STOX2: variants seen among roughly 807,000 people sequenced by gnomAD.
STOX2 encodes storkhead-box protein 2.
Under a neutral mutation model 60.9 loss-of-function variants are expected in STOX2, and 28 were observed. That is an observed-to-expected ratio of 0.46 (90% CI 0.34 to 0.63). The LOEUF (loss-of-function observed/expected upper bound fraction) is 0.63, where lower values mean the gene tolerates loss of function less well. Ranked by LOEUF, STOX2 falls within the 30% of genes least tolerant of loss-of-function variation. STOX2 has a pLI of 0.01. For missense variants in STOX2, 1,024 were observed against 1,187.7 expected (o/e 0.86, Z 2.03); for synonymous variants, 472 against 463.9 (o/e 1.02, Z -0.22).
intron 3 of STOX2, chr4:184,015,970 CT>C (rs1270708607): frequency 6.6e-5 from 10 of 152,230 alleles, no homozygotes; most frequent in African/African-American, 2.4e-4. Flanking sequence ...CTTAAATGTT[CT>C]AAATATCTTA....
At chr4:183,923,704 G>A (rs1019157938) in intron 1 of STOX2, among the ~76,000 whole-genome samples, 1 of 152,182 alleles carries the variant, frequency 6.6e-6, no homozygotes, top group Non-Finnish European at 1.5e-5. Context: ...AACCATATGG[G>A]CCCTTCCCAA....
chr4:183,828,342 G>A (rs896046153), intron 1 of STOX2, among the ~76,000 whole-genome samples: 2 of 152,182 alleles, frequency 1.3e-5, no homozygotes, highest in African/African-American at 4.8e-5. Flanking sequence ...TGGGGAAGGT[G>A]GGAGGAAGAA....
At chr4:183,992,685 A>C (rs1733162698) in intron 1 of STOX2, among the ~76,000 whole-genome samples, 1 of 152,214 alleles carries the variant, frequency 6.6e-6, no homozygotes, top group African/African-American at 2.4e-5. Context: ...TCATAACTTT[A>C]TCCTTGTTGG....
chr4:183,828,789 T>C (rs1420858294), intron 1 of STOX2, among the ~76,000 whole-genome samples: 2 of 152,232 alleles, frequency 1.3e-5, no homozygotes, highest in Non-Finnish European at 2.9e-5. Flanking sequence ...TGGGGGACCT[T>C]GCCAAATTCA....
chr4:183,799,173 A>G (rs572205485), intron 1 of STOX2, among the ~76,000 whole-genome samples: 5 of 152,272 alleles, frequency 3.3e-5, no homozygotes, highest in Middle Eastern at 3.4e-3. Flanking sequence ...TGTTTTGTCT[A>G]TTTTGGCAGA....
chr4:183,883,014 T>C (rs1192623847), intron 1 of STOX2, among the ~76,000 whole-genome samples: 1 of 152,212 alleles, frequency 6.6e-6, no homozygotes, highest in Non-Finnish European at 1.5e-5. Flanking sequence ...GTTGCTTTTT[T>C]TTTCTTTTTA....
At chr4:183,984,660 G>A (rs1387913149) in intron 1 of STOX2, among the ~76,000 whole-genome samples, 1 of 152,208 alleles carries the variant, frequency 6.6e-6, no homozygotes, top group Non-Finnish European at 1.5e-5. Context: ...TAGCCATCAA[G>A]CGTTTATTAA....
chr4:183,973,927 G>A (rs1230313663), intron 1 of STOX2, among the ~76,000 whole-genome samples: 2 of 152,260 alleles, frequency 1.3e-5, no homozygotes, highest in Non-Finnish European at 2.9e-5. Context: ...CCAGGAGGCA[G>A]AGGTTGCAGT....
chr4:183,944,000 C>G (rs993198599), intron 1 of STOX2, among the ~76,000 whole-genome samples: 1 of 152,220 alleles, frequency 6.6e-6, no homozygotes, highest in African/African-American at 2.4e-5. Context: ...CAAAGTCAGT[C>G]CTGCTCTGGA....
At chr4:183,954,491 T>C (rs769929056) in intron 1 of STOX2, among the ~76,000 whole-genome samples, 6 of 152,000 alleles carry the variant, frequency 3.9e-5, no homozygotes, top group Admixed American at 1.3e-4. Context: ...GGTTTCACCA[T>C]GTTGGCCAGG....
intron 1 of STOX2, among the ~76,000 whole-genome samples, chr4:183,837,404 A>G (rs1739740593): frequency 1.3e-5 from 2 of 150,668 alleles, no homozygotes; most frequent in South Asian, 4.2e-4. Flanking sequence ...ATCATACAGT[A>G]TTTGTCCTTC....
intron 3 of STOX2, among the ~76,000 whole-genome samples, chr4:184,013,039 A>G (rs994319990): frequency 6.6e-6 from 1 of 152,070 alleles, no homozygotes; most frequent in African/African-American, 2.4e-5. Context: ...TTTCTGTTCT[A>G]CTGTTTCTCA....
chr4:183,967,372 A>G (rs1579481737), intron 1 of STOX2, among the ~76,000 whole-genome samples: 1 of 111,666 alleles, frequency 9.0e-6, no homozygotes, highest in South Asian at 2.3e-4. Flanking sequence ...GTCTCAAGAG[A>G]AAAAAAAAAA....
rs531210458 is a variant in STOX2, at chr4:183,809,862, T to C, written c.364+11807T>C. Among the ~76,000 whole-genome samples the C allele has an allele frequency of 5.9e-5, 9 of 152,366 alleles. No homozygotes were observed. In the South Asian group the frequency reaches 1.9e-3, roughly 32 times the overall value. ...TACACTTATTTTGCATTTGCTATTT[T>C]TGATAAAATGTTTTAAGTGCTGTTT... On this transcript the variant is annotated intron_variant, in intron 1 of 2. Transcript: ENST00000513034.
chr4:183,901,192 C>T (rs780203676), upstream of STOX2, among the ~76,000 whole-genome samples: 1 of 152,180 alleles, frequency 6.6e-6, no homozygotes, highest in African/African-American at 2.4e-5. Flanking sequence ...ACTTCTTTCA[C>T]TTAGCATTCT....
At chr4:183,839,331 C>T (rs144658620) in intron 1 of STOX2, among the ~76,000 whole-genome samples, 2 of 152,288 alleles carry the variant, frequency 1.3e-5, no homozygotes, top group African/African-American at 4.8e-5. Flanking sequence ...GGTACCGTGA[C>T]CTAGCCAAGT....
intron 1 of STOX2, among the ~76,000 whole-genome samples, chr4:183,969,172 A>G (rs184241408): frequency 3.9e-5 from 6 of 152,348 alleles, no homozygotes; most frequent in Admixed American, 2.0e-4. Context: ...ACTAATCTGA[A>G]TAGATCATTA....
chr4:183,824,018 T>C (rs111791826), intron 1 of STOX2, among the ~76,000 whole-genome samples: 2,797 of 152,310 alleles, frequency 0.018, 92 homozygotes, highest in African/African-American at 0.063. Flanking sequence ...AATCGGCTAC[T>C]GAACTTTCTG....
At chr4:183,927,443 A>C (rs980770623) in intron 1 of STOX2, among the ~76,000 whole-genome samples, 18 of 152,048 alleles carry the variant, frequency 1.2e-4, no homozygotes, top group African/African-American at 4.3e-4. Flanking sequence ...TTATAGTGTC[A>C]GTTTAGCAAG....
Sources: allele counts gnomAD v4.1 joint callset (sites outside exome capture counted in the v4.1 genomes callset), GRCh38; gene constraint gnomAD v4.1.1; transcripts MANE v1.5; gene names NCBI Gene and HGNC (gene_info 2026-07-23, HGNC 2026-07-21).